LRMDA: variants seen among roughly 807,000 people sequenced by gnomAD.
The protein encoded by LRMDA is leucine rich melanocyte differentiation associated.
LRMDA carries 18 observed loss-of-function variants against 29.8 expected under a neutral mutation model. The ratio of observed to expected loss-of-function variants is 0.60; its 90% CI spans 0.42 to 0.90. The LOEUF (loss-of-function observed/expected upper bound fraction) is 0.90, where lower values mean the gene tolerates loss of function less well. LRMDA is among the 40% of genes least tolerant of loss of function. The pLI is 0.00. For missense variants in LRMDA, 273 were observed against 273.9 expected, an observed-to-expected ratio of 1.00 and a Z score of 0.02; for synonymous variants, 125 against 109.4, an observed-to-expected ratio of 1.14 and a Z score of -0.89.
intron 5 of LRMDA, among the ~76,000 whole-genome samples, chr10:76,089,957 T>C (rs560050377): frequency 2.6e-5 from 4 of 152,160 alleles, no homozygotes; most frequent in Non-Finnish European, 5.9e-5. Context: ...GGTTATGATG[T>C]TTTCAGATTT....
At chr10:75,925,093 C>T (rs1161509589) in intron 2 of LRMDA, among the ~76,000 whole-genome samples, 2 of 152,186 alleles carry the variant, frequency 1.3e-5, no homozygotes, top group African/African-American at 4.8e-5. Flanking sequence ...AGAGATGACA[C>T]CAATACCAAG....
intron 6 of LRMDA, among the ~76,000 whole-genome samples, chr10:76,492,962 A>G (rs1289254670): frequency 6.6e-6 from 1 of 152,032 alleles, no homozygotes; most frequent in African/African-American, 2.4e-5. Context: ...GAGCCAAACC[A>G]TATCAGACCT....
At chr10:75,809,039 C>A (rs1276881498) in intron 2 of LRMDA, among the ~76,000 whole-genome samples, 1 of 152,074 alleles carries the variant, frequency 6.6e-6, no homozygotes, top group Non-Finnish European at 1.5e-5. Flanking sequence ...ACTAGAGGGG[C>A]CCACCCTTGC....
intron 2 of LRMDA, among the ~76,000 whole-genome samples, chr10:76,017,247 C>T (rs957673021): frequency 2.0e-5 from 3 of 152,162 alleles, no homozygotes; most frequent in African/African-American, 7.2e-5. Context: ...GGGCCAGAAG[C>T]CACACGAAGG....
intron 2 of LRMDA, among the ~76,000 whole-genome samples, chr10:75,930,883 A>T (rs1013130491): frequency 6.6e-6 from 1 of 152,214 alleles, no homozygotes; most frequent in African/African-American, 2.4e-5. Context: ...AATTCCAGCT[A>T]TAGTTATTCT....
intron 2 of LRMDA, among the ~76,000 whole-genome samples, chr10:75,642,101 G>T (rs1024802736): frequency 2.6e-5 from 4 of 152,162 alleles, no homozygotes; most frequent in South Asian, 4.1e-4. Context: ...GGCTGAGAAG[G>T]GGGTAAAGAA....
At chr10:75,966,137 G>A (rs1407365664) in intron 2 of LRMDA, among the ~76,000 whole-genome samples, 38 of 152,132 alleles carry the variant, frequency 2.5e-4, no homozygotes, top group Non-Finnish European at 1.0e-4. Flanking sequence ...CTACATAATT[G>A]TGAAAATTTA....
At chr10:75,672,396 G>C (rs1841901567) in intron 2 of LRMDA, among the ~76,000 whole-genome samples, 1 of 151,640 alleles carries the variant, frequency 6.6e-6, no homozygotes, top group South Asian at 2.1e-4. Context: ...GTGTCTGCAA[G>C]GCTGCTTTGA....
At chr10:76,378,892 T>C (rs1841555286) in intron 6 of LRMDA, among the ~76,000 whole-genome samples, 1 of 141,756 alleles carries the variant, frequency 7.1e-6, no homozygotes, top group Non-Finnish European at 1.5e-5. Flanking sequence ...TGTCTTGCTC[T>C]GTCTCCCACG....
chr10:76,124,706 G>T (rs1179112793), intron 5 of LRMDA, among the ~76,000 whole-genome samples: 2 of 152,354 alleles, frequency 1.3e-5, no homozygotes, highest in South Asian at 2.1e-4. Flanking sequence ...CATTAACAAG[G>T]CTCAGTAGTC....
intron 5 of LRMDA, among the ~76,000 whole-genome samples, chr10:76,088,188 G>A (rs1039524718): frequency 6.6e-6 from 1 of 152,124 alleles, no homozygotes; most frequent in Non-Finnish European, 1.5e-5. Flanking sequence ...CTGGCAGAGC[G>A]GAAAGTGATC....
intron 6 of LRMDA, among the ~76,000 whole-genome samples, chr10:76,457,040 G>T (rs956574652): frequency 6.6e-6 from 1 of 152,046 alleles, no homozygotes; most frequent in Admixed American, 6.6e-5. Flanking sequence ...GGATGTCTGC[G>T]GATGGTCAGA....
chr10:75,538,270 C>T (rs1010457458), intron 2 of LRMDA, among the ~76,000 whole-genome samples: 1 of 152,164 alleles, frequency 6.6e-6, no homozygotes, highest in African/African-American at 2.4e-5. Context: ...GCCCAGGGAG[C>T]TTTGCATAAC....
intron 6 of LRMDA, among the ~76,000 whole-genome samples, chr10:76,449,215 T>C (rs1842382460): frequency 6.6e-6 from 1 of 151,842 alleles, no homozygotes; most frequent in African/African-American, 2.4e-5. Context: ...TATTCAAAGA[T>C]TTCATTCCTT....
At chr10:76,066,988 C>T (rs113252618) in intron 5 of LRMDA, among the ~76,000 whole-genome samples, 2,218 of 152,242 alleles carry the variant, frequency 0.015, 19 homozygotes, top group Non-Finnish European at 0.025. Context: ...TTCCCAGCAC[C>T]CAGGCCAGTG....
At chr10:75,653,541 A>T (rs558893022) in intron 2 of LRMDA, among the ~76,000 whole-genome samples, 7 of 152,294 alleles carry the variant, frequency 4.6e-5, no homozygotes, top group African/African-American at 1.7e-4. Context: ...CAATGTAAAT[A>T]TCCAGTTGAA....
chr10:76,261,874 G>T (rs1360769733), intron 5 of LRMDA, among the ~76,000 whole-genome samples: 1 of 152,146 alleles, frequency 6.6e-6, no homozygotes, highest in Non-Finnish European at 1.5e-5. Context: ...AATTTAGAAT[G>T]ACATTTGAGC....
At chr10:76,347,537 A>G (rs920736409) in intron 6 of LRMDA, among the ~76,000 whole-genome samples, 1 of 152,188 alleles carries the variant, frequency 6.6e-6, no homozygotes, top group Non-Finnish European at 1.5e-5. Context: ...CCCATTGACT[A>G]TGCACTTTCT....
intron 2 of LRMDA, among the ~76,000 whole-genome samples, chr10:75,808,458 T>C (rs1391538276): frequency 6.6e-6 from 1 of 152,250 alleles, no homozygotes; most frequent in East Asian, 1.9e-4. Flanking sequence ...TTTTCTTTTC[T>C]ATACATAGCT....
Sources: gnomAD v4.1 joint callset for allele counts (sites outside exome capture counted in the v4.1 genomes callset) on GRCh38, gnomAD v4.1.1 for gene constraint, MANE v1.5 for transcripts, NCBI Gene and HGNC (gene_info 2026-07-23, HGNC 2026-07-21) for gene names.